The following TMEM132D variants were observed in gnomAD, a reference collection of about 807,000 sequenced individuals.
TMEM132D encodes the protein transmembrane protein 132D.
A neutral mutation model predicts 62.3 loss-of-function variants in TMEM132D; 21 were observed. The ratio of observed to expected loss-of-function variants is 0.34; its 90% CI spans 0.24 to 0.49. The LOEUF (loss-of-function observed/expected upper bound fraction) is 0.49. Among genes scored for constraint, TMEM132D ranks in the 20% least tolerant of loss-of-function variants. TMEM132D has a pLI of 0.99. For missense variants in TMEM132D, 1,346 were observed against 1,402.8 expected (o/e 0.96, Z 0.65); for synonymous variants, 621 against 575.6 (o/e 1.08, Z -1.13).
At chr12:129,331,288 G>A (rs773534584) in intron 4 of TMEM132D, among the ~76,000 whole-genome samples, 4 of 152,188 alleles carry the variant, frequency 2.6e-5, no homozygotes, top group African/African-American at 9.7e-5. Context: ...AGGATCTTCA[G>A]GGCTGGGTTT....
At chr12:129,478,904 T>A (rs947854452) in intron 3 of TMEM132D, among the ~76,000 whole-genome samples, 13 of 152,238 alleles carry the variant, frequency 8.5e-5, no homozygotes, top group African/African-American at 3.1e-4. Context: ...AAACTCACAC[T>A]GACTTTTAAA....
intron 1 of TMEM132D, among the ~76,000 whole-genome samples, chr12:129,738,631 C>T (rs768228178): frequency 6.6e-6 from 1 of 152,156 alleles, no homozygotes; most frequent in Admixed American, 6.5e-5. Context: ...TAGATCTCTT[C>T]TTGGAGATAG....
At chr12:129,225,026 G>C (rs993114290) in intron 4 of TMEM132D, among the ~76,000 whole-genome samples, 6 of 152,124 alleles carry the variant, frequency 3.9e-5, no homozygotes, top group Admixed American at 3.9e-4. Flanking sequence ...TGAGGAGTGC[G>C]AGCTTTGGGG....
chr12:129,506,441 T>A (rs1223372876), intron 3 of TMEM132D, among the ~76,000 whole-genome samples: 2 of 152,106 alleles, frequency 1.3e-5, no homozygotes, highest in African/African-American at 2.4e-5. Context: ...AGGCATCACA[T>A]TACCCTATTT....
intron 4 of TMEM132D, among the ~76,000 whole-genome samples, chr12:129,255,034 A>C (rs1012183813): frequency 1.1e-4 from 17 of 152,106 alleles, no homozygotes; most frequent in African/African-American, 3.1e-4. Context: ...CTCACGATAG[A>C]GTTCTCACAA....
At chr12:129,357,460 C>A (rs1870106106) in intron 3 of TMEM132D, among the ~76,000 whole-genome samples, 1 of 135,052 alleles carries the variant, frequency 7.4e-6, no homozygotes, top group African/African-American at 2.8e-5. Context: ...AGCGAGCGAG[C>A]AAGCAGTAGA....
At chr12:129,343,581 T>A (rs1334103058) in intron 3 of TMEM132D, among the ~76,000 whole-genome samples, 2 of 151,664 alleles carry the variant, frequency 1.3e-5, no homozygotes, top group African/African-American at 2.4e-5. Flanking sequence ...ATAATAATAA[T>A]AAAATTAAAA....
At chr12:129,289,396 T>C (rs1349945596) in intron 4 of TMEM132D, among the ~76,000 whole-genome samples, 1 of 151,478 alleles carries the variant, frequency 6.6e-6, no homozygotes, top group Non-Finnish European at 1.5e-5. Flanking sequence ...ATACAAAAAT[T>C]AGCCAGGTGT....
At chr12:129,208,996 G>T (rs1878942860) in intron 5 of TMEM132D, 1 of 152,504 alleles carries the variant, frequency 6.6e-6, no homozygotes, top group Non-Finnish European at 1.5e-5. Flanking sequence ...GTGGAATTTT[G>T]TGGGCTGGGC....
At chr12:129,287,461 A>C (rs921586647) in intron 4 of TMEM132D, among the ~76,000 whole-genome samples, 5 of 152,242 alleles carry the variant, frequency 3.3e-5, no homozygotes, top group Non-Finnish European at 4.4e-5. Flanking sequence ...AATTAATAGG[A>C]TATTTACATA....
intron 3 of TMEM132D, among the ~76,000 whole-genome samples, chr12:129,369,631 G>A (rs1870533760): frequency 6.6e-6 from 1 of 152,240 alleles, no homozygotes. Context: ...TTGAGAGGCT[G>A]TTTGGGGCAG....
intron 1 of TMEM132D, among the ~76,000 whole-genome samples, chr12:129,731,389 T>C (rs1869231656): frequency 6.6e-6 from 1 of 151,842 alleles, no homozygotes; most frequent in Non-Finnish European, 1.5e-5. Context: ...GTAATGTAGA[T>C]AAGAGGGTAT....
intron 2 of TMEM132D, among the ~76,000 whole-genome samples, chr12:129,576,713 C>T (rs1368380651): frequency 6.6e-6 from 1 of 151,734 alleles, no homozygotes; most frequent in Non-Finnish European, 1.5e-5. Context: ...TCTGACTCCT[C>T]CAAAACTTAA....
chr12:129,137,133 CCATCACTATCATTGT>C (rs145244575), intron 5 of TMEM132D, among the ~76,000 whole-genome samples: 85,217 of 149,444 alleles, frequency 0.57, 26,211 homozygotes, highest in Non-Finnish European at 0.7. Flanking sequence ...ATCATCATCA[CCATCACTATCATTGT>C]CATCACTATC....
chr12:129,790,795 T>C (rs1291371232), intron 1 of TMEM132D, among the ~76,000 whole-genome samples: 2 of 152,230 alleles, frequency 1.3e-5, no homozygotes, highest in African/African-American at 2.4e-5. Context: ...CCTGTCCTTA[T>C]CAGTCATAAT....
At chr12:129,819,069 C>T (rs1017628591) in intron 1 of TMEM132D, among the ~76,000 whole-genome samples, 1 of 152,136 alleles carries the variant, frequency 6.6e-6, no homozygotes, top group East Asian at 1.9e-4. Context: ...AATGTCCCAT[C>T]TCTCTTTTCC....
At chr12:129,865,489 T>A (rs769735666) in intron 1 of TMEM132D, among the ~76,000 whole-genome samples, 6 of 152,140 alleles carry the variant, frequency 3.9e-5, no homozygotes, top group Non-Finnish European at 7.3e-5. Context: ...GAGCCTGCAA[T>A]CATACAACTT....
chr12:129,636,565 T>G (rs998066414), intron 2 of TMEM132D, among the ~76,000 whole-genome samples: 1 of 152,200 alleles, frequency 6.6e-6, no homozygotes, highest in African/African-American at 2.4e-5. Context: ...AAGGGATTCA[T>G]TCAGTCAGTT....
At chr12:129,385,718 ATAATT>A (rs1208047347) in intron 3 of TMEM132D, among the ~76,000 whole-genome samples, 1 of 152,218 alleles carries the variant, frequency 6.6e-6, no homozygotes, top group African/African-American at 2.4e-5. Context: ...TTTAGGTTTA[ATAATT>A]TAGAGTTTGA....
Sources: allele counts gnomAD v4.1 joint callset (sites outside exome capture counted in the v4.1 genomes callset), GRCh38; gene constraint gnomAD v4.1.1; transcripts MANE v1.5; gene names NCBI Gene and HGNC (gene_info 2026-07-23, HGNC 2026-07-21).